AXL: variants seen among roughly 807,000 people sequenced by gnomAD.
AXL encodes the protein tyrosine-protein kinase receptor UFO.
AXL carries 52 observed loss-of-function variants against 104.5 expected under a neutral mutation model. The ratio of observed to expected loss-of-function variants is 0.50; its 90% CI spans 0.40 to 0.63. The LOEUF (loss-of-function observed/expected upper bound fraction) is 0.63. Ranked by LOEUF, AXL falls within the 20% of genes least tolerant of loss-of-function variation. AXL has a pLI of 0.00. For synonymous variants in AXL, 455 were observed against 473.7 expected (o/e 0.96, Z 0.51); for missense variants, 1,024 against 1,188.5 (o/e 0.86, Z 2.04).
At chr19:41,242,199 C>G (rs1308978322) in intron 10 of AXL, among the ~76,000 whole-genome samples, 1 of 151,926 alleles carries the variant, frequency 6.6e-6, no homozygotes, top group Non-Finnish European at 1.5e-5. Flanking sequence ...ATCTTGGTGG[C>G]ATAATATTTG....
At chr19:41,254,976 T>C (rs1260165438) in intron 17 of AXL, among the ~76,000 whole-genome samples, 1 of 152,230 alleles carries the variant, frequency 6.6e-6, no homozygotes, top group Non-Finnish European at 1.5e-5. Flanking sequence ...GCTCGATGAA[T>C]TTTTATGGGT....
chr19:41,246,766 G>T (rs1450541395), intron 12 of AXL, among the ~76,000 whole-genome samples: 3 of 152,068 alleles, frequency 2.0e-5, no homozygotes, highest in Non-Finnish European at 4.4e-5. Flanking sequence ...TGTTGCCCAG[G>T]CTGATCTCCA....
intron 4 of AXL, among the ~76,000 whole-genome samples, chr19:41,229,768 G>A (rs183247613): frequency 1.5e-3 from 221 of 152,278 alleles, no homozygotes; most frequent in African/African-American, 4.9e-3. Context: ...CCGGAGAAGA[G>A]CGTGTGACAG....
intron 1 of AXL, 171 bp from the exon 2 acceptor site, chr19:41,220,462 GTCC>G: frequency 1.7e-6 from 1 of 604,108 alleles, no homozygotes; most frequent in Non-Finnish European, 2.9e-6. Flanking sequence ...GAGGGCTCCC[GTCC>G]TCCTCTCAGA....
Position 41,260,003 on chromosome 19 carries a change from C to G in AXL, c.*99C>G. 1 of 1,125,444 alleles carries G rather than the reference C, an allele frequency of 8.9e-7. No homozygotes were observed. Among genetic ancestry groups the G allele is most frequent in the South Asian group, 1.6e-5 (1 of 60,648 alleles). 69.7% of individuals were successfully genotyped at this position (1,125,444 alleles called of 1,614,324 possible). On this transcript the variant is annotated 3_prime_UTR_variant, in exon 20 of 20. Transcript: ENST00000301178. ...ACTTTCCCACCCCACGCCTTATCCC[C>G]ACTTGCAGCCCTGTCTTCCTACCTA... is the stretch of plus-strand genomic sequence containing the variant.
At chr19:41,224,766 G>T (rs1300173520) in intron 4 of AXL, among the ~76,000 whole-genome samples, 2 of 151,656 alleles carry the variant, frequency 1.3e-5, no homozygotes. Context: ...AAGCATGTTG[G>T]TGTATGACTG....
rs1461356169 is a variant in AXL, at chr19:41,252,405, T to C, written c.1766T>C (p.Met589Thr). The C allele has an allele frequency of 3.7e-6, 6 of 1,613,834 alleles. No individual in the cohort carries two copies. In the African/African-American group the frequency reaches 8.0e-5, roughly 22 times the overall value. Residue 589 changes from methionine (M) to threonine (T), a missense_variant, in exon 15 of 20, where the codon ATG becomes ACG. Transcript: ENST00000301178. ...LEDFLSEAVC[M>T]KEFDHPNVMR... ...GATTTCCTGAGTGAAGCGGTCTGCATGAAGGAATTTGACCATCCCAACGTC... is the reference window on the plus strand; with the variant it reads ...GATTTCCTGAGTGAAGCGGTCTGCACGAAGGAATTTGACCATCCCAACGTC...
At chr19:41,221,374 T>A in intron 3 of AXL, 128 bp downstream of exon 3, 1 of 768,806 alleles carries the variant, frequency 1.3e-6, no homozygotes, top group Non-Finnish European at 2.0e-6. Flanking sequence ...CCTAGCGTCA[T>A]ACAGCCTAAG....
chr19:41,225,312 G>T (rs2033860200), intron 4 of AXL, among the ~76,000 whole-genome samples: 1 of 152,178 alleles, frequency 6.6e-6, no homozygotes, highest in South Asian at 2.1e-4. Flanking sequence ...GCGCAAATGT[G>T]TTTTTGTATC....
intron 11 of AXL, among the ~76,000 whole-genome samples, chr19:41,243,259 A>G (rs992089486): frequency 1.1e-4 from 16 of 152,218 alleles, no homozygotes; most frequent in African/African-American, 3.9e-4. Context: ...TCTCTACTGA[A>G]AAATGCAAAA....
Position 41,219,483 on chromosome 19 carries a change from T to G in AXL, c.85+6T>G, listed in dbSNP as rs1599722401. 2 of 1,569,474 alleles carry G rather than the reference T, an allele frequency of 1.3e-6. No individual in the cohort carries two copies. The highest frequency in any genetic ancestry group is 1.8e-4 in the Middle Eastern group (1 of 5,618). On this transcript the variant is annotated splice_donor_region_variant and intron_variant, in intron 1 of 19. Transcript: ENST00000301178. ...GGCGTGCATGGCCCCCAGGGGTGAG[T>G]GATGGGGGCTCCTTGGGGCAGGGAT... is the stretch of plus-strand genomic sequence containing the variant.
intron 14 of AXL, among the ~76,000 whole-genome samples, chr19:41,251,403 A>G (rs886409955): frequency 2.6e-5 from 4 of 152,022 alleles, no homozygotes; most frequent in Non-Finnish European, 4.4e-5. Flanking sequence ...TTCTACTAAA[A>G]ATACAAAAAT....
intron 4 of AXL, among the ~76,000 whole-genome samples, chr19:41,222,664 T>C (rs989488245): frequency 6.6e-6 from 1 of 151,704 alleles, no homozygotes; most frequent in African/African-American, 2.4e-5. Flanking sequence ...CCCAGCACTT[T>C]GGGAGGCTGA....
intron 4 of AXL, among the ~76,000 whole-genome samples, chr19:41,222,290 GTCTC>G (rs2033805280): frequency 6.6e-6 from 1 of 151,388 alleles, no homozygotes; most frequent in Non-Finnish European, 1.5e-5. Flanking sequence ...GTGTCTTTCT[GTCTC>G]TCTTTGTATG....
intron 14 of AXL, among the ~76,000 whole-genome samples, 161 bp from the exon 15 acceptor site, chr19:41,252,190 C>CA (rs2034375609): frequency 6.7e-6 from 1 of 149,396 alleles, no homozygotes; most frequent in African/African-American, 2.5e-5. Context: ...CACACACATA[C>CA]ACATATCACA....
At chr19:41,219,712 C>T (rs1170444266) in intron 1 of AXL, among the ~76,000 whole-genome samples, 4 of 136,422 alleles carry the variant, frequency 2.9e-5, no homozygotes, top group South Asian at 4.6e-4. Context: ...AGAGAGGACC[C>T]GGAGAGACAG....
intron 12 of AXL, 68 bp downstream of exon 12, chr19:41,243,775 G>C: frequency 7.0e-7 from 1 of 1,430,066 alleles, no homozygotes; most frequent in Non-Finnish European, 9.9e-7. Context: ...GGCCTGCTGG[G>C]CTTCTGTACA....
chr19:41,252,570 G>T, intron 15 of AXL, 127 bp downstream of exon 15: 2 of 1,153,560 alleles, frequency 1.7e-6, no homozygotes, highest in Non-Finnish European at 2.5e-6. Flanking sequence ...TTCAGGGTCA[G>T]CAGGCTTCCC....
intron 6 of AXL, among the ~76,000 whole-genome samples, chr19:41,234,691 C>A (rs897067933): frequency 3.3e-5 from 5 of 152,192 alleles, no homozygotes; most frequent in African/African-American, 1.2e-4. Context: ...GAAACTGAGA[C>A]TCAGAGAAGT....
Sources: allele counts gnomAD v4.1 joint callset (sites outside exome capture counted in the v4.1 genomes callset), GRCh38; gene constraint gnomAD v4.1.1; transcripts MANE v1.5; gene names NCBI Gene and HGNC (gene_info 2026-07-23, HGNC 2026-07-21).